Variants in KPNA1 observed in about 807,000 individuals in gnomAD.
The protein encoded by KPNA1 is importin subunit alpha-5.
KPNA1 carries 10 observed loss-of-function variants against 70.5 expected under a neutral mutation model. The ratio of observed to expected loss-of-function variants is 0.14; its 90% CI spans 0.09 to 0.24. KPNA1 has a LOEUF of 0.24. Among genes scored for constraint, KPNA1 ranks in the 10% least tolerant of loss-of-function variants. The pLI is 1.00. For missense variants in KPNA1, 397 were observed against 637.9 expected, an observed-to-expected ratio of 0.62 and a Z score of 4.07; for synonymous variants, 192 against 221.9, an observed-to-expected ratio of 0.87 and a Z score of 1.20.
At chr3:122,467,252 T>C in intron 3 of KPNA1, 70 bp downstream of exon 3, 1 of 820,332 alleles carries the variant, frequency 1.2e-6, no homozygotes, top group South Asian at 1.7e-5. Context: ...TAACCTTTTT[T>C]AAAACTCAAA....
intron 12 of KPNA1, among the ~76,000 whole-genome samples, chr3:122,430,869 C>CT (rs756995385): frequency 5.1e-4 from 77 of 152,290 alleles, no homozygotes; most frequent in Middle Eastern, 3.4e-3. Context: ...ATACCCAAGA[C>CT]TGAGGCTTTC....
Position 122,425,580 on chromosome 3 carries a change from G to C in KPNA1, c.*1405C>G, listed in dbSNP as rs2107711160. The C allele has an allele frequency of 6.6e-6, 1 of 152,510 alleles. No homozygotes were observed. Among genetic ancestry groups the C allele is most frequent in the Non-Finnish European group, 1.5e-5 (1 of 68,010 alleles). The allele number at this position is 152,510 out of a possible 1,614,324, so 9.4% of individuals were successfully genotyped here. Reference sequence around the variant, plus strand: ...ATTGAACTCATTTGCAGTTGTCTTGGCAATTAAGCGTATTTTTTCATTCCA... The same window carrying C: ...ATTGAACTCATTTGCAGTTGTCTTGCCAATTAAGCGTATTTTTTCATTCCA... On this transcript the variant is annotated 3_prime_UTR_variant, in exon 14 of 14. Coordinates refer to ENST00000344337, the MANE Select transcript of KPNA1 (RefSeq NM_002264.4).
intron 4 of KPNA1, among the ~76,000 whole-genome samples, chr3:122,462,228 A>AC (rs1264049229): frequency 3.5e-5 from 4 of 115,482 alleles, no homozygotes; most frequent in Admixed American, 9.0e-5. Flanking sequence ...AACAACAACA[A>AC]AAAAAAACAG....
At chr3:122,466,118 T>C (rs1364319393) in intron 3 of KPNA1, among the ~76,000 whole-genome samples, 1 of 152,170 alleles carries the variant, frequency 6.6e-6, no homozygotes, top group Non-Finnish European at 1.5e-5. Context: ...TATGTCTGTA[T>C]GAATTCCAAA....
chr3:122,429,446 C>CAAAAAAA (rs57991855), intron 12 of KPNA1, among the ~76,000 whole-genome samples: 20 of 58,766 alleles, frequency 3.4e-4, no homozygotes, highest in Admixed American at 4.8e-4. Flanking sequence ...AACTCTGTCT[C>CAAAAAAA]AAAAAAAAAA....
At chr3:122,454,432 T>C (rs2076244003) in intron 5 of KPNA1, among the ~76,000 whole-genome samples, 1 of 152,230 alleles carries the variant, frequency 6.6e-6, no homozygotes, top group Non-Finnish European at 1.5e-5. Flanking sequence ...TAAATACTTG[T>C]TGCCTGCATA....
At chr3:122,473,969 A>T (rs915573093) in intron 2 of KPNA1, among the ~76,000 whole-genome samples, 6 of 152,198 alleles carry the variant, frequency 3.9e-5, no homozygotes, top group African/African-American at 1.2e-4. Context: ...AAGAATCAAT[A>T]AAAAAACCTC....
chr3:122,459,308 A>G (rs954205709), intron 5 of KPNA1: 3 of 400,118 alleles, frequency 7.5e-6, no homozygotes, highest in Non-Finnish European at 1.0e-5. Flanking sequence ...TCTATATTTA[A>G]TGCATAAAAG....
At position 122,437,294 on chromosome 3, in the gene KPNA1, AC is replaced by A; in HGVS notation, c.997del (p.Val333Ter). 1 of 1,593,090 alleles carries A rather than the reference AC, an allele frequency of 6.3e-7. No homozygotes were observed. The highest frequency in any genetic ancestry group is 8.5e-7 in the Non-Finnish European group (1 of 1,172,468). ...IVTGDDIQTQVILNCSALQSL... is the reference protein window; with the variant it reads ...IVTGDDIQTQXILNCSALQSL... Reference sequence around the variant, plus strand: ...CTGCAGAGCTGAGCAATTCAGAATTACCTAAAAGAAAAAGTTTGAAAATTTT... The same window carrying A: ...CTGCAGAGCTGAGCAATTCAGAATTACTAAAAGAAAAAGTTTGAAAATTTT... On this transcript the variant is annotated frameshift_variant and splice_region_variant, in exon 11 of 14. Coordinates refer to ENST00000344337, the MANE Select transcript of KPNA1 (RefSeq NM_002264.4). LOFTEE classifies it high-confidence loss of function.
chr3:122,429,305 G>A lies in KPNA1; in HGVS notation c.1251-1589C>T, dbSNP rs1576270568. ...GTTTCTACTAAAAATACAAAAATTA[G>A]CCAGACATGGCAGCGGGCACCTGTA... On this transcript the variant is annotated intron_variant, in intron 12 of 13. Coordinates refer to ENST00000344337, the MANE Select transcript of KPNA1 (RefSeq NM_002264.4). Among the ~76,000 whole-genome samples the A allele has an allele frequency of 2.0e-5, 3 of 151,950 alleles. No individual in the cohort carries two copies. In the South Asian group the frequency reaches 6.2e-4, roughly 32 times the overall value.
chr3:122,460,877 G>A (rs1032685467), intron 5 of KPNA1, among the ~76,000 whole-genome samples: 1 of 152,046 alleles, frequency 6.6e-6, no homozygotes, highest in Non-Finnish European at 1.5e-5. Flanking sequence ...TCCTGAGAAA[G>A]CCACCAAGTA....
chr3:122,511,074 T>G (rs765427950), intron 1 of KPNA1, among the ~76,000 whole-genome samples: 32 of 152,208 alleles, frequency 2.1e-4, no homozygotes, highest in Non-Finnish European at 4.3e-4. Context: ...CCAATCACCT[T>G]GCACACGTAA....
intron 3 of KPNA1, among the ~76,000 whole-genome samples, chr3:122,465,853 T>G (rs954300927): frequency 1.3e-5 from 2 of 152,212 alleles, no homozygotes; most frequent in African/African-American, 4.8e-5. Flanking sequence ...GAAAAGGGAT[T>G]CAACAACATC....
chr3:122,430,525 T>C (rs558309767), intron 12 of KPNA1, among the ~76,000 whole-genome samples: 1 of 140,858 alleles, frequency 7.1e-6, no homozygotes, highest in Non-Finnish European at 1.6e-5. Flanking sequence ...AGTGTGTGTG[T>C]GTGTGTGTGT....
At chr3:122,502,920 A>G (rs1576348335) in intron 1 of KPNA1, among the ~76,000 whole-genome samples, 1 of 151,996 alleles carries the variant, frequency 6.6e-6, no homozygotes. Flanking sequence ...TTTTGTAGCG[A>G]CCCTGTCTCC....
Position 122,460,056 on chromosome 3 carries a change from A to C in KPNA1, c.432+1168T>G, listed in dbSNP as rs926975455. ...ATTAACTAGTTTTTGGCAAATATTT[A>C]CTTAGAAAGATAATCCCATTTTGTG... is the stretch of plus-strand genomic sequence containing the variant. On this transcript the variant is annotated intron_variant, in intron 5 of 13. Transcript: ENST00000344337. 1.8e-5 allele frequency: 18 copies of C among 985,262 alleles called. No individual in the cohort carries two copies. In the African/African-American group the frequency reaches 2.8e-4, roughly 15 times the overall value. The allele number at this position is 985,262 out of a possible 1,614,324, so 61.0% of individuals were successfully genotyped here.
At chr3:122,486,669 G>A (rs1189382461) in intron 2 of KPNA1, among the ~76,000 whole-genome samples, 1 of 151,766 alleles carries the variant, frequency 6.6e-6, no homozygotes, top group Non-Finnish European at 1.5e-5. Flanking sequence ...CTCACTGCAA[G>A]CTCCACCTCC....
intron 1 of KPNA1, among the ~76,000 whole-genome samples, chr3:122,513,677 T>A (rs2076981587): frequency 6.6e-6 from 1 of 151,674 alleles, no homozygotes; most frequent in African/African-American, 2.4e-5. Flanking sequence ...GGGAAATCAC[T>A]TCATCTACTA....
chr3:122,454,044 A>G (rs1182011217), intron 5 of KPNA1, 43 bp from the exon 6 acceptor site: 6 of 1,418,758 alleles, frequency 4.2e-6, no homozygotes, highest in Middle Eastern at 1.9e-4. Flanking sequence ...TTAGAATGTA[A>G]AAGTTTGTTT....
Sources: gnomAD v4.1 joint callset for allele counts (sites outside exome capture counted in the v4.1 genomes callset) on GRCh38, gnomAD v4.1.1 for gene constraint, MANE v1.5 for transcripts, NCBI Gene and HGNC (gene_info 2026-07-23, HGNC 2026-07-21) for gene names.